Variants in RGPD4 observed in about 807,000 individuals in gnomAD.
RGPD4 encodes the protein ranBP2-like and GRIP domain-containing protein 4.
RGPD4 carries 84 observed loss-of-function variants against 141.1 expected under a neutral mutation model. The observed-to-expected ratio is 0.60, with a 90% CI of 0.50 to 0.71. The LOEUF (loss-of-function observed/expected upper bound fraction) is 0.71, where lower values mean the gene tolerates loss of function less well. RGPD4 is among the 30% of genes least tolerant of loss of function. The probability of loss-of-function intolerance (pLI) is 0.00; values close to 1 mark genes in which losing one functional copy is unlikely to be tolerated. For synonymous variants in RGPD4, 298 were observed against 566.8 expected, an observed-to-expected ratio of 0.53 and a Z score of 6.74; for missense variants, 918 against 1,622.4, an observed-to-expected ratio of 0.57 and a Z score of 7.46.
rs1001967363 is a variant in RGPD4 at position 107,880,112 on chromosome 2, G to A, written c.5064+5G>A. ...GTCCTTATGGAGCAAATTAAGGTGA[G>A]ATCAGAAAACCTGGCCACCATGAAA... On this transcript the variant is annotated splice_donor_5th_base_variant and intron_variant, in intron 21 of 22. Coordinates refer to ENST00000408999, the MANE Select transcript of RGPD4 (RefSeq NM_182588.3). 4 of 1,611,420 alleles carry A rather than the reference G, an allele frequency of 2.5e-6. No individual in the cohort carries two copies. The highest frequency in any genetic ancestry group is 3.4e-6 in the Non-Finnish European group (4 of 1,179,842).
At chr2:107,876,567 C>A (rs1683098304) in intron 20 of RGPD4, among the ~76,000 whole-genome samples, 1 of 151,072 alleles carries the variant, frequency 6.6e-6, no homozygotes, top group Admixed American at 6.6e-5. Context: ...TTCACATTTA[C>A]AATTAGTTGG....
chr2:107,863,730 C>T (rs1168230187), intron 17 of RGPD4, among the ~76,000 whole-genome samples: 17 of 151,882 alleles, frequency 1.1e-4, no homozygotes, highest in Middle Eastern at 3.4e-3. Flanking sequence ...TGACCTCAGG[C>T]GATCTGCCCG....
At chr2:107,858,443 CTTTTCTTTTTTTT>C (rs1469018463) in intron 9 of RGPD4, among the ~76,000 whole-genome samples, 1 of 148,182 alleles carries the variant, frequency 6.7e-6, no homozygotes, top group Non-Finnish European at 1.5e-5. Context: ...CTTTTCTTTT[CTTTTCTTTTTTTT>C]GAGACAGAGT....
chr2:107,867,235 C>T (rs972249946), intron 18 of RGPD4, among the ~76,000 whole-genome samples: 31 of 151,530 alleles, frequency 2.0e-4, no homozygotes, highest in South Asian at 6.3e-4. Flanking sequence ...CTTTTATGTA[C>T]GACAGACTTC....
In RGPD4 at chr2:107,872,851, G is replaced by A. The variant is rs746201226; in HGVS notation, c.4847G>A (p.Ser1616Asn). 680 of 1,602,072 alleles carry A rather than the reference G, an allele frequency of 4.2e-4. No homozygotes were observed. Among genetic ancestry groups the A allele is most frequent in the Non-Finnish European group, 5.3e-4 (626 of 1,176,682 alleles). Reference sequence around the variant, plus strand: ...TCTGATATCGAACAGTCTTCAGATAGCAAAGTCAAAAATCTCTCTGCTTCC... The same window carrying A: ...TCTGATATCGAACAGTCTTCAGATAACAAAGTCAAAAATCTCTCTGCTTCC... ...KNSDIEQSSD[S>N]KVKNLSASFP... Residue 1616 changes from serine to asparagine, a missense_variant, in exon 20 of 23, where the codon AGC (serine) becomes AAC (asparagine). By Grantham distance (46) the Ser-to-Asn change is conservative. Transcript: ENST00000408999.
At chr2:107,882,032 A>T (rs1186055717) in intron 21 of RGPD4, among the ~76,000 whole-genome samples, 1 of 151,940 alleles carries the variant, frequency 6.6e-6, no homozygotes, top group African/African-American at 2.4e-5. Flanking sequence ...CTTAGTTTCT[A>T]TCGAAAGTAG....
intron 19 of RGPD4, among the ~76,000 whole-genome samples, 161 bp downstream of exon 19, chr2:107,870,138 A>G (rs560163632): frequency 4.4e-4 from 66 of 150,034 alleles, no homozygotes; most frequent in Admixed American, 2.3e-3. Context: ...TATCCTTCTT[A>G]GTCACCTTAT....
chr2:107,844,830 G>GTT (rs1222283120), intron 6 of RGPD4, among the ~76,000 whole-genome samples: 2,575 of 26,246 alleles, frequency 0.098, 259 homozygotes, highest in Non-Finnish European at 0.13. Context: ...TTTCTTTTTT[G>GTT]TTTTTTTTTT....
In RGPD4 at chr2:107,872,751, A is replaced by C; in HGVS notation, c.4747A>C (p.Ser1583Arg). 1 of 1,611,654 alleles carries C rather than the reference A, an allele frequency of 6.2e-7. No individual in the cohort carries two copies. Among genetic ancestry groups the C allele is most frequent in the Non-Finnish European group, 8.5e-7 (1 of 1,179,866 alleles). The change falls in exon 20 of 23, where the codon AGT (serine) becomes CGT (arginine). Residue 1583 changes from serine (S) to arginine (R), a missense_variant. By Grantham distance (110) the Ser-to-Arg change is moderately radical. Coordinates refer to ENST00000408999, the MANE Select transcript of RGPD4 (RefSeq NM_182588.3). ...TAATGCATCTTTGAAAAGTAACAAC[A>C]GTGAAACTAGTTCAGTAGCCCAGAG... ...SFNASLKSNN[S>R]ETSSVAQSGS...
chr2:107,884,254 A>C (rs2104519588), intron 22 of RGPD4, among the ~76,000 whole-genome samples: 1 of 151,842 alleles, frequency 6.6e-6, no homozygotes, highest in South Asian at 2.1e-4. Flanking sequence ...GGGACTACAG[A>C]TGCACGCCAG....
In RGPD4 at chr2:107,890,768, C is replaced by G; in HGVS notation, c.*37C>G. The G allele has an allele frequency of 6.3e-7, 1 of 1,599,846 alleles. No individual in the cohort carries two copies. The highest frequency in any genetic ancestry group is 8.5e-7 in the Non-Finnish European group (1 of 1,174,974). On this transcript the variant is annotated 3_prime_UTR_variant, in exon 23 of 23. Coordinates refer to ENST00000408999, the MANE Select transcript of RGPD4 (RefSeq NM_182588.3). ...TTCTTCTGGATGGGCATCCTATCTTCGTAGTTGGTTTGGACTTCGATAGGT... is the reference window on the plus strand; with the variant it reads ...TTCTTCTGGATGGGCATCCTATCTTGGTAGTTGGTTTGGACTTCGATAGGT...
At chr2:107,880,414 C>T (rs1015530082) in intron 21 of RGPD4, among the ~76,000 whole-genome samples, 3 of 150,526 alleles carry the variant, frequency 2.0e-5, no homozygotes, top group African/African-American at 5.0e-5. Context: ...CAGGTGCCCG[C>T]CAACATGCCT....
intron 6 of RGPD4, among the ~76,000 whole-genome samples, chr2:107,844,830 G>GTTTTTTTT (rs1222283120): frequency 7.6e-4 from 20 of 26,188 alleles, no homozygotes; most frequent in African/African-American, 1.3e-3. Flanking sequence ...TTTCTTTTTT[G>GTTTTTTTT]TTTTTTTTTT....
intron 9 of RGPD4, among the ~76,000 whole-genome samples, chr2:107,858,482 A>G (rs1381930123): frequency 1.4e-5 from 2 of 146,512 alleles, no homozygotes; most frequent in African/African-American, 5.3e-5. Flanking sequence ...TCTGTCACCC[A>G]GGCTGGAGCA....
chr2:107,827,130 G>T, intron 1 of RGPD4, 45 bp downstream of exon 1: 1 of 584,142 alleles, frequency 1.7e-6, no homozygotes, highest in Non-Finnish European at 2.3e-6. Flanking sequence ...CTGGCCGGGC[G>T]GCGGAGGCCT....
At position 107,882,703 on chromosome 2, in the gene RGPD4, G is replaced by T. The variant is rs1426684683; in HGVS notation, c.5096G>T (p.Arg1699Met). ...LLKSEIRRLE[R>M]NQEQEESAAN... ...AAAAGTGAAATAAGAAGATTGGAAA[G>T]GAATCAAGAGCAAGAGGAGTCTGCA... is the stretch of plus-strand genomic sequence containing the variant. Residue 1699 changes from arginine to methionine, a missense_variant, in exon 22 of 23, where the codon AGG becomes ATG. Transcript: ENST00000408999. 6.2e-6 allele frequency: 10 copies of T among 1,611,610 alleles called. No homozygotes were observed. The highest frequency in any genetic ancestry group is 8.5e-6 in the Non-Finnish European group (10 of 1,179,864).
In RGPD4 at chr2:107,879,984, T is replaced by C. The variant is rs777721680; in HGVS notation, c.4941T>C (p.His1647=). The change falls in exon 21 of 23, where the codon CAT becomes CAC. Residue 1647 remains histidine, a synonymous_variant. Coordinates refer to ENST00000408999, the MANE Select transcript of RGPD4 (RefSeq NM_182588.3). ...ATGTTGCAGAGCCTCCATTATGGCA[T>C]GCTGAATTTACCAAAGAAGAATTGG... ...KTPEKEPPLW[H]AEFTKEELVQ... The C allele has an allele frequency of 1.1e-5, 18 of 1,611,284 alleles. No homozygotes were observed. In the Admixed American group the frequency reaches 1.5e-4, roughly 13 times the overall value.
chr2:107,833,227 C>T (rs1487063558), intron 1 of RGPD4, among the ~76,000 whole-genome samples: 3 of 150,476 alleles, frequency 2.0e-5, no homozygotes, highest in South Asian at 4.2e-4. Context: ...AGCGAGACTC[C>T]GTTTGAATTA....
rs754251499 is a variant in RGPD4, at chr2:107,870,788, G to T, written c.2784G>T (p.Ser928=). 6.2e-7 allele frequency: 1 copy of T among 1,607,366 alleles called. No individual in the cohort carries two copies. Among genetic ancestry groups the T allele is most frequent in the African/African-American group, 1.3e-5 (1 of 74,134 alleles). Residue 928 remains serine (S), a synonymous_variant, in exon 20 of 23, where the codon TCG becomes TCT. Coordinates refer to ENST00000408999, the MANE Select transcript of RGPD4 (RefSeq NM_182588.3). The part of the protein sequence containing the change: ...VSADGFKFGI[S]EPGNQEKESE... ...CTGATGGATTTAAATTTGGCATTTC[G>T]GAACCAGGAAATCAAGAAAAGGAAA...
Sources: allele counts gnomAD v4.1 joint callset (sites outside exome capture counted in the v4.1 genomes callset), GRCh38; gene constraint gnomAD v4.1.1; transcripts MANE v1.5; gene names NCBI Gene and HGNC (gene_info 2026-07-23, HGNC 2026-07-21).